The following MTR variants were observed in gnomAD, a reference collection of about 807,000 sequenced individuals.
MTR encodes methionine synthase.
MTR carries 84 observed loss-of-function variants against 154.8 expected under a neutral mutation model. The observed-to-expected ratio is 0.54, with a 90% confidence interval of 0.45 to 0.65. The LOEUF (loss-of-function observed/expected upper bound fraction) is 0.65. MTR is among the 30% of genes least tolerant of loss of function. The pLI is 0.00. For synonymous variants in MTR, 554 were observed against 553.9 expected (o/e 1.00, Z 0.00); for missense variants, 1,275 against 1,570.2 (o/e 0.81, Z 3.18).
chr1:236,833,755 A>ATCTC (rs1387182411), intron 13 of MTR, among the ~76,000 whole-genome samples: 5 of 152,188 alleles, frequency 3.3e-5, no homozygotes, highest in Non-Finnish European at 7.3e-5. Flanking sequence ...AAACCACTTC[A>ATCTC]TCTCTCTGAG....
chr1:236,840,893 A>G (rs1027623401), intron 15 of MTR, among the ~76,000 whole-genome samples: 5 of 152,174 alleles, frequency 3.3e-5, no homozygotes, highest in South Asian at 4.1e-4. Flanking sequence ...TGGGATTGCT[A>G]TGTCAAAGAG....
chr1:236,896,227 AC>A (rs2147957805), intron 31 of MTR, among the ~76,000 whole-genome samples: 1 of 152,326 alleles, frequency 6.6e-6, no homozygotes, highest in South Asian at 2.1e-4. Flanking sequence ...TTCTGTCATT[AC>A]TGCAGAGTTC....
chr1:236,851,895 GT>G (rs1663926273), intron 16 of MTR, among the ~76,000 whole-genome samples: 1 of 152,058 alleles, frequency 6.6e-6, no homozygotes, highest in African/African-American at 2.4e-5. Context: ...TGGACATCTA[GT>G]TTTTTTCCAG....
chr1:236,894,594 G>A, intron 30 of MTR, 37 bp downstream of exon 30: 7 of 1,612,162 alleles, frequency 4.3e-6, no homozygotes, highest in Non-Finnish European at 5.1e-6. Flanking sequence ...GCTGAGGACA[G>A]AGGCCAGGCA....
chr1:236,891,094 G>A, intron 28 of MTR, 39 bp from the exon 29 acceptor site: 1 of 1,601,276 alleles, frequency 6.2e-7, no homozygotes, highest in Non-Finnish European at 8.6e-7. Context: ...GGTTATTTTT[G>A]GCATCTTTAA....
rs1404546880 is a variant in MTR at position 236,881,777 on chromosome 1, T to C, written c.2676+941T>C. ...GAAAGTTATATAATCATCACTAACA[T>C]TATTGAAAATGTGTAGTGTGCCAGG... On this transcript the variant is annotated intron_variant, in intron 25 of 32. Coordinates refer to ENST00000366577, the MANE Select transcript of MTR (RefSeq NM_000254.3). 2.0e-5 allele frequency among the ~76,000 whole-genome samples: 3 copies of C among 152,186 alleles called. 1 individual carries two copies. Among genetic ancestry groups the C allele is most frequent in the Middle Eastern group, 6.8e-3 (2 of 294 alleles).
At chr1:236,885,034 C>T in intron 25 of MTR, 87 bp from the exon 26 acceptor site, 4 of 841,480 alleles carry the variant, frequency 4.8e-6, no homozygotes, top group South Asian at 4.1e-5. Context: ...TTAAGGAAGC[C>T]TTCCTGAAGG....
At chr1:236,842,819 C>T (rs1456994381) in intron 15 of MTR, among the ~76,000 whole-genome samples, 1 of 150,170 alleles carries the variant, frequency 6.7e-6, no homozygotes, top group Non-Finnish European at 1.5e-5. Flanking sequence ...GGTGCAGTGG[C>T]TCACACCTGT....
intron 15 of MTR, among the ~76,000 whole-genome samples, chr1:236,844,404 CA>C (rs1663440533): frequency 6.8e-6 from 1 of 147,714 alleles, no homozygotes; most frequent in African/African-American, 2.5e-5. Context: ...ATAAGGGGAG[CA>C]AAAAAATAGG....
chr1:236,886,756 G>A (rs931018501), intron 27 of MTR, among the ~76,000 whole-genome samples: 1 of 152,188 alleles, frequency 6.6e-6, no homozygotes, highest in Non-Finnish European at 1.5e-5. Flanking sequence ...GTGGGTCCCC[G>A]TCTCCTTGAA....
chr1:236,871,647 T>C (rs1665138750), intron 22 of MTR, among the ~76,000 whole-genome samples: 1 of 152,164 alleles, frequency 6.6e-6, no homozygotes, highest in South Asian at 2.1e-4. Context: ...TACTAGACTT[T>C]CTTCAATATG....
At chr1:236,886,494 G>A in intron 27 of MTR, 127 bp downstream of exon 27, 1 of 821,966 alleles carries the variant, frequency 1.2e-6, no homozygotes, top group African/African-American at 1.7e-5. Flanking sequence ...GTCTAATGCT[G>A]ATGAGTGACT....
intron 24 of MTR, 130 bp downstream of exon 24, chr1:236,874,976 A>G (rs971382533): frequency 9.2e-7 from 1 of 1,088,350 alleles, no homozygotes; most frequent in Non-Finnish European, 1.3e-6. Flanking sequence ...TTATATAAAC[A>G]CAAACATTTT....
chr1:236,815,553 T>C, intron 6 of MTR, 51 bp from the exon 7 acceptor site: 1 of 1,581,942 alleles, frequency 6.3e-7, no homozygotes, highest in Non-Finnish European at 8.7e-7. Context: ...GTTAGACTAA[T>C]CTTGGACACA....
Position 236,832,830 on chromosome 1 carries a change from C to G in MTR, c.1188+752C>G, listed in dbSNP as rs1472057781. On this transcript the variant is annotated intron_variant, in intron 13 of 32. Coordinates refer to ENST00000366577, the MANE Select transcript of MTR (RefSeq NM_000254.3). Reference sequence around the variant, plus strand: ...AGGACCATTTATTCCCCTTCATGGACCTGTTCATTATTACCTGATGGCATC... The same window carrying G: ...AGGACCATTTATTCCCCTTCATGGAGCTGTTCATTATTACCTGATGGCATC... 2.0e-5 allele frequency among the ~76,000 whole-genome samples: 3 copies of G among 152,288 alleles called. No homozygotes were observed. In the East Asian group the frequency reaches 5.8e-4, roughly 29 times the overall value.
chr1:236,851,242 G>A (rs1184176473), intron 16 of MTR, among the ~76,000 whole-genome samples: 1 of 152,208 alleles, frequency 6.6e-6, no homozygotes, highest in East Asian at 1.9e-4. Flanking sequence ...AAACATGGCA[G>A]TGACCTACCT....
At chr1:236,809,793 T>G (rs997790589) in intron 4 of MTR, among the ~76,000 whole-genome samples, 1 of 152,174 alleles carries the variant, frequency 6.6e-6, no homozygotes, top group African/African-American at 2.4e-5. Context: ...TCAAAGGTAA[T>G]GAGCAGTACA....
Position 236,795,569 on chromosome 1 carries a change from C to G in MTR, c.-135C>G. The stretch of plus-strand genomic sequence containing the variant: ...GCAGTCCCCCCGCGACGCGAGCCAA[C>G]GGGAGGCGTCAAAAGACCCGGGCCT... On this transcript the variant is annotated 5_prime_UTR_variant, in exon 1 of 33. Coordinates refer to ENST00000366577, the MANE Select transcript of MTR (RefSeq NM_000254.3). The G allele has an allele frequency of 6.4e-7, 1 of 1,565,320 alleles. No individual in the cohort carries two copies. The highest frequency in any genetic ancestry group is 1.4e-5 in the African/African-American group (1 of 73,984).
chr1:236,820,860 A>G (rs1661895836), intron 8 of MTR, among the ~76,000 whole-genome samples: 3 of 152,202 alleles, frequency 2.0e-5, no homozygotes, highest in Non-Finnish European at 2.9e-5. Flanking sequence ...ATAGGTGTAT[A>G]GTGGTATCTT....
Sources: allele counts gnomAD v4.1 joint callset (sites outside exome capture counted in the v4.1 genomes callset), GRCh38; gene constraint gnomAD v4.1.1; transcripts MANE v1.5; gene names NCBI Gene and HGNC (gene_info 2026-07-23, HGNC 2026-07-21).